The following KATNA1 variants were observed in gnomAD, a reference collection of about 807,000 sequenced individuals.
The protein encoded by KATNA1 is katanin p60 ATPase-containing subunit A1.
A neutral mutation model predicts 62.6 loss-of-function variants in KATNA1; 42 were observed. The ratio of observed to expected loss-of-function variants is 0.67; its 90% CI spans 0.52 to 0.87. The LOEUF (loss-of-function observed/expected upper bound fraction) is 0.87. Ranked by LOEUF, KATNA1 falls within the 40% of genes least tolerant of loss-of-function variation. The pLI is 0.00. For missense variants in KATNA1, 498 were observed against 612.5 expected (o/e 0.81, Z 1.97); for synonymous variants, 186 against 201.9 (o/e 0.92, Z 0.67).
chr6:149,597,922 C>CT (rs911847092), intron 8 of KATNA1: 1 of 470,252 alleles, frequency 2.1e-6, no homozygotes, highest in Non-Finnish European at 3.7e-6. Context: ...TACATAAACT[C>CT]TAAGGCCAAT....
At chr6:149,610,479 A>T (rs546025253) in intron 4 of KATNA1, among the ~76,000 whole-genome samples, 2 of 152,278 alleles carry the variant, frequency 1.3e-5, no homozygotes, top group Admixed American at 6.5e-5. Context: ...AGACAAGTTT[A>T]AAAAAATTGA....
rs558051218 is a variant in KATNA1 at position 149,603,192 on chromosome 6, A to G, written c.729+76T>C. On this transcript the variant is annotated intron_variant, in intron 6 of 10. Coordinates refer to ENST00000367411, the MANE Select transcript of KATNA1 (RefSeq NM_007044.4). ...CCACTTTCTCCCTCCACTTTTCCCA[A>G]TATAGATAAATATTGGCTCTCTGTA... is the stretch of plus-strand genomic sequence containing the variant. 25 of 637,180 alleles carry G rather than the reference A, an allele frequency of 3.9e-5. No individual in the cohort carries two copies. In the South Asian group the frequency reaches 4.9e-4, roughly 13 times the overall value. 39.5% of individuals were successfully genotyped at this position (637,180 alleles called of 1,614,324 possible). A position where few individuals can be genotyped will look rare whatever the true frequency, so the allele number is the denominator to read the frequency against.
intron 7 of KATNA1, 109 bp downstream of exon 7, chr6:149,601,485 G>C (rs1778539906): frequency 8.6e-6 from 8 of 930,916 alleles, no homozygotes; most frequent in South Asian, 6.2e-5. Context: ...CTCATACTCT[G>C]GGCAAAATGG....
intron 1 of KATNA1, among the ~76,000 whole-genome samples, chr6:149,645,988 A>G (rs1359471965): frequency 6.6e-6 from 1 of 152,096 alleles, no homozygotes; most frequent in Non-Finnish European, 1.5e-5. Context: ...CTCTCTAAAC[A>G]ACAAATACAG....
At chr6:149,609,778 G>A (rs1778874533) in intron 4 of KATNA1, among the ~76,000 whole-genome samples, 1 of 117,420 alleles carries the variant, frequency 8.5e-6, no homozygotes, top group Non-Finnish European at 1.7e-5. Flanking sequence ...ACTTCAGCCT[G>A]GGCGACAGAG....
intron 3 of KATNA1, among the ~76,000 whole-genome samples, chr6:149,632,218 C>A (rs973822423): frequency 1.3e-5 from 2 of 151,688 alleles, no homozygotes; most frequent in Non-Finnish European, 2.9e-5. Flanking sequence ...ATGGTGAAAC[C>A]CCGTCTCTAC....
At chr6:149,628,317 G>A (rs1779698056) in intron 3 of KATNA1, among the ~76,000 whole-genome samples, 1 of 145,964 alleles carries the variant, frequency 6.9e-6, no homozygotes, top group South Asian at 2.2e-4. Flanking sequence ...CACTGTGTTA[G>A]GCAGAATGGT....
intron 3 of KATNA1, among the ~76,000 whole-genome samples, chr6:149,624,526 C>A (rs1779529442): frequency 6.6e-6 from 1 of 152,014 alleles, no homozygotes; most frequent in Non-Finnish European, 1.5e-5. Flanking sequence ...GGACTACAGC[C>A]ACATGGCACC....
chr6:149,621,729 G>C (rs1448815626), intron 4 of KATNA1, among the ~76,000 whole-genome samples: 1 of 151,374 alleles, frequency 6.6e-6, no homozygotes, highest in Non-Finnish European at 1.5e-5. Context: ...CTGGCCTCAA[G>C]TGATTCACCC....
chr6:149,604,518 G>T, intron 5 of KATNA1, 143 bp downstream of exon 5: 1 of 852,806 alleles, frequency 1.2e-6, no homozygotes, highest in Non-Finnish European at 1.9e-6. Context: ...GGAATAGGCT[G>T]AATGCAGGGA....
intron 3 of KATNA1, 97 bp from the exon 4 acceptor site, chr6:149,623,380 A>G (rs1779484302): frequency 6.4e-6 from 5 of 778,074 alleles, no homozygotes; most frequent in African/African-American, 1.8e-5. Flanking sequence ...AAAGAAGCCA[A>G]TGCAACAACT....
intron 4 of KATNA1, among the ~76,000 whole-genome samples, chr6:149,622,591 C>T (rs964136500): frequency 6.6e-6 from 1 of 151,634 alleles, no homozygotes; most frequent in Non-Finnish European, 1.5e-5. Flanking sequence ...ATAAAGTTAC[C>T]AAAAAAAGCC....
intron 4 of KATNA1, among the ~76,000 whole-genome samples, chr6:149,610,872 G>A (rs1207128873): frequency 6.6e-6 from 1 of 152,098 alleles, no homozygotes; most frequent in Admixed American, 6.5e-5. Context: ...ATCACCTGAG[G>A]TCAGGAATTT....
chr6:149,639,919 A>C lies in KATNA1; in HGVS notation c.-13-1359T>G, dbSNP rs952724481. On this transcript the variant is annotated intron_variant, in intron 1 of 10. Coordinates refer to ENST00000367411, the MANE Select transcript of KATNA1 (RefSeq NM_007044.4). Reference sequence around the variant, plus strand: ...ATCCTTGCATGACACACATTTTATTAAACATCTGCAGAATAAATAGTGAAT... The same window carrying C: ...ATCCTTGCATGACACACATTTTATTCAACATCTGCAGAATAAATAGTGAAT... 6.6e-5 allele frequency among the ~76,000 whole-genome samples: 10 copies of C among 152,358 alleles called. No homozygotes were observed. The South Asian group carries it at 1.9e-3, about 28-fold the overall frequency.
chr6:149,632,447 G>A (rs941089579), intron 3 of KATNA1, among the ~76,000 whole-genome samples: 1 of 151,950 alleles, frequency 6.6e-6, no homozygotes, highest in Admixed American at 6.6e-5. Context: ...GCTACAGAGA[G>A]TGGCAAAGAC....
intron 4 of KATNA1, among the ~76,000 whole-genome samples, chr6:149,610,945 C>T (rs753429906): frequency 1.3e-5 from 2 of 152,086 alleles, no homozygotes; most frequent in East Asian, 1.9e-4. Flanking sequence ...ACTAGCCGGG[C>T]GTGGTGTTCC....
At chr6:149,648,952 T>TCA, upstream of KATNA1, 1 of 152,440 alleles carries the variant, frequency 6.6e-6, no homozygotes, top group Non-Finnish European at 1.5e-5. Flanking sequence ...TTCACCACAC[T>TCA]CACACACACA....
intron 4 of KATNA1, among the ~76,000 whole-genome samples, chr6:149,613,141 C>T (rs1178688643): frequency 8.3e-6 from 1 of 120,728 alleles, no homozygotes; most frequent in African/African-American, 3.2e-5. Context: ...GATCACGCCA[C>T]TGCACTCCAG....
At chr6:149,615,151 A>C (rs1346105040) in intron 4 of KATNA1, among the ~76,000 whole-genome samples, 4 of 150,704 alleles carry the variant, frequency 2.7e-5, no homozygotes, top group Non-Finnish European at 4.4e-5. Context: ...AAAAAAAAAA[A>C]AAAACAACTA....
Sources: gnomAD v4.1 joint callset for allele counts (sites outside exome capture counted in the v4.1 genomes callset) on GRCh38, gnomAD v4.1.1 for gene constraint, MANE v1.5 for transcripts, NCBI Gene and HGNC (gene_info 2026-07-23, HGNC 2026-07-21) for gene names.